The following RNF217 variants were observed in gnomAD, a reference collection of about 807,000 sequenced individuals.
RNF217 encodes the protein ring finger protein 217, also known as E3 ubiquitin-protein ligase RNF217.
A neutral mutation model predicts 57.8 loss-of-function variants in RNF217; 31 were observed. That is an observed-to-expected ratio of 0.54 (90% CI 0.40 to 0.72). The LOEUF (loss-of-function observed/expected upper bound fraction) is 0.72. Among genes scored for constraint, RNF217 ranks in the 30% least tolerant of loss-of-function variants. RNF217 has a pLI of 0.00. For missense variants in RNF217, 696 were observed against 708.3 expected (o/e 0.98, Z 0.20); for synonymous variants, 313 against 294.0 (o/e 1.06, Z -0.66).
At chr6:125,075,396 C>T (rs1194646617) in intron 3 of RNF217, among the ~76,000 whole-genome samples, 2 of 152,128 alleles carry the variant, frequency 1.3e-5, no homozygotes, top group Non-Finnish European at 2.9e-5. Context: ...GTTTAATTGA[C>T]TCATGGTTCC....
At chr6:125,016,741 A>G (rs1287829949) in intron 1 of RNF217, among the ~76,000 whole-genome samples, 1 of 148,060 alleles carries the variant, frequency 6.8e-6, no homozygotes, top group Admixed American at 6.8e-5. Flanking sequence ...CAATGACAAC[A>G]CGTGGACACA....
chr6:125,020,707 ATAT>A (rs1174087497), intron 1 of RNF217, among the ~76,000 whole-genome samples: 1 of 152,184 alleles, frequency 6.6e-6, no homozygotes, highest in Non-Finnish European at 1.5e-5. Context: ...CTCACATAGA[ATAT>A]TATATAATCT....
chr6:125,003,994 A>ATTCT, intron 1 of RNF217, among the ~76,000 whole-genome samples: 1 of 152,280 alleles, frequency 6.6e-6, no homozygotes, highest in East Asian at 1.9e-4. Flanking sequence ...AGTGCTGCAA[A>ATTCT]AATCTGCACC....
chr6:125,016,108 T>C (rs1785593171), intron 1 of RNF217, among the ~76,000 whole-genome samples: 1 of 152,056 alleles, frequency 6.6e-6, no homozygotes, highest in African/African-American at 2.4e-5. Flanking sequence ...GGGGAAAGGG[T>C]CTGGTTAAAA....
At chr6:125,050,061 G>T (rs143226366) in intron 2 of RNF217, among the ~76,000 whole-genome samples, 1,671 of 151,956 alleles carry the variant, frequency 0.011, 12 homozygotes, top group Non-Finnish European at 0.018. Flanking sequence ...TAGAGGAGGT[G>T]ATAGCAGTTC....
intron 1 of RNF217, among the ~76,000 whole-genome samples, chr6:125,001,125 T>C (rs879782615): frequency 2.0e-5 from 3 of 152,202 alleles, no homozygotes; most frequent in Admixed American, 2.0e-4. Flanking sequence ...TAATACCACC[T>C]ACTGCTGATT....
At chr6:125,081,973 A>G (rs1476655434) in intron 5 of RNF217, among the ~76,000 whole-genome samples, 1 of 152,120 alleles carries the variant, frequency 6.6e-6, no homozygotes, top group Non-Finnish European at 1.5e-5. Context: ...GCACTGACAA[A>G]TAGAAAACCT....
At chr6:124,969,014 C>T (rs917422121) in intron 1 of RNF217, among the ~76,000 whole-genome samples, 2 of 152,136 alleles carry the variant, frequency 1.3e-5, no homozygotes, top group Non-Finnish European at 2.9e-5. Context: ...AGTATTTTCC[C>T]CAGCTTTATC....
At chr6:125,074,375 G>A (rs913740471) in intron 3 of RNF217, among the ~76,000 whole-genome samples, 1 of 151,994 alleles carries the variant, frequency 6.6e-6, no homozygotes, top group Non-Finnish European at 1.5e-5. Flanking sequence ...GGGGGAGAGA[G>A]AGGTGTTATC....
chr6:124,992,506 C>G (rs1181092388), intron 1 of RNF217, among the ~76,000 whole-genome samples: 1 of 151,660 alleles, frequency 6.6e-6, no homozygotes, highest in African/African-American at 2.4e-5. Context: ...GTTCTGCTAA[C>G]ATCTATAGCA....
chr6:125,092,344 CTT>C lies in RNF217; in HGVS notation c.*9410_*9411del, dbSNP rs762001966. The C allele has an allele frequency of 1.3e-5, 2 of 152,122 alleles. No individual in the cohort carries two copies. Among genetic ancestry groups the C allele is most frequent in the African/African-American group, 4.8e-5 (2 of 41,430 alleles). The allele number at this position is 152,122 out of a possible 1,614,324, so 9.4% of individuals were successfully genotyped here. On this transcript the variant is annotated 3_prime_UTR_variant, in exon 6 of 6. Coordinates refer to ENST00000521654, the MANE Select transcript of RNF217 (RefSeq NM_001286398.3). ...TGATATTTTGGAGTCTAATTTCCGA[CTT>C]TTCGTAATGTCCCAATGACCTTTTG...
chr6:125,083,658 A>T lies in RNF217; in HGVS notation c.*721A>T, dbSNP rs963440374. 4.6e-5 allele frequency: 7 copies of T among 152,086 alleles called. No homozygotes were observed. The highest frequency in any genetic ancestry group is 1.4e-4 in the African/African-American group (6 of 41,430). 9.4% of individuals were successfully genotyped at this position (152,086 alleles called of 1,614,324 possible). ...CACATTTTCATAGACCTATTGAAAG[A>T]TGATGGCTCCTTTGTGGACATAATT... On this transcript the variant is annotated 3_prime_UTR_variant, in exon 6 of 6. Coordinates refer to ENST00000521654, the MANE Select transcript of RNF217 (RefSeq NM_001286398.3).
chr6:125,065,016 CG>C (rs1375195966), intron 3 of RNF217, among the ~76,000 whole-genome samples: 1 of 151,864 alleles, frequency 6.6e-6, no homozygotes, highest in Non-Finnish European at 1.5e-5. Flanking sequence ...GCAATCACGC[CG>C]GTAATCCCAG....
rs1187172534 is a variant in RNF217 at position 125,089,903 on chromosome 6, T to C, written c.*6966T>C. ...TTGTTTCAAGCCACTAGTATCTAAA[T>C]TTTTGATATAAATATCTAAATTCTT... On this transcript the variant is annotated 3_prime_UTR_variant, in exon 6 of 6. Transcript: ENST00000521654. The C allele has an allele frequency of 1.3e-5, 2 of 152,174 alleles. No individual in the cohort carries two copies. Among genetic ancestry groups the C allele is most frequent in the South Asian group, 2.1e-4 (1 of 4,832 alleles). The allele number at this position is 152,174 out of a possible 1,614,324, so 9.4% of individuals were successfully genotyped here.
intron 1 of RNF217, chr6:125,009,503 C>T (rs942948590): frequency 6.5e-6 from 3 of 461,374 alleles, no homozygotes; most frequent in Non-Finnish European, 1.2e-5. Flanking sequence ...AGACTATTTA[C>T]CATGAAGAGC....
intron 1 of RNF217, among the ~76,000 whole-genome samples, chr6:125,035,642 A>G (rs1003248080): frequency 1.3e-5 from 2 of 152,152 alleles, no homozygotes; most frequent in African/African-American, 4.8e-5. Context: ...ATTAATTGGT[A>G]AACAAAGATT....
intron 1 of RNF217, among the ~76,000 whole-genome samples, chr6:124,975,384 A>G (rs1256532719): frequency 6.6e-6 from 1 of 152,210 alleles, no homozygotes; most frequent in Non-Finnish European, 1.5e-5. Context: ...GGTGACTCTG[A>G]TATGGCCAGA....
intron 1 of RNF217, among the ~76,000 whole-genome samples, chr6:124,967,192 T>C (rs981004752): frequency 6.6e-6 from 1 of 152,232 alleles, no homozygotes; most frequent in Non-Finnish European, 1.5e-5. Context: ...TGTATGCGTG[T>C]GTGAATATGG....
intron 1 of RNF217, among the ~76,000 whole-genome samples, chr6:125,021,989 C>A (rs561731494): frequency 5.3e-5 from 8 of 152,228 alleles, no homozygotes; most frequent in Non-Finnish European, 4.4e-5. Flanking sequence ...TCAAGCCATT[C>A]TCCTGCCTCA....
Sources: gnomAD v4.1 joint callset for allele counts (sites outside exome capture counted in the v4.1 genomes callset) on GRCh38, gnomAD v4.1.1 for gene constraint, MANE v1.5 for transcripts, NCBI Gene and HGNC (gene_info 2026-07-23, HGNC 2026-07-21) for gene names.